NUCB1: variants seen among roughly 807,000 people sequenced by gnomAD.
The protein encoded by NUCB1 is nucleobindin-1.
NUCB1 carries 47 observed loss-of-function variants against 61.2 expected under a neutral mutation model. The ratio of observed to expected loss-of-function variants is 0.77; its 90% CI spans 0.61 to 0.98. NUCB1 has a LOEUF of 0.98. Among genes scored for constraint, NUCB1 ranks in the 50% least tolerant of loss-of-function variants. The pLI is 0.00. For synonymous variants in NUCB1, 234 were observed against 243.1 expected, an observed-to-expected ratio of 0.96 and a Z score of 0.35; for missense variants, 583 against 605.3, an observed-to-expected ratio of 0.96 and a Z score of 0.39.
chr19:48,909,504 C>G (rs2037449451), intron 4 of NUCB1, among the ~76,000 whole-genome samples: 1 of 151,990 alleles, frequency 6.6e-6, no homozygotes, highest in Non-Finnish European at 1.5e-5. Context: ...GCCTTGGCCT[C>G]CCAAAGTGCT....
At chr19:48,902,721 T>C (rs2037365724) in intron 2 of NUCB1, among the ~76,000 whole-genome samples, 1 of 151,560 alleles carries the variant, frequency 6.6e-6, no homozygotes, top group Non-Finnish European at 1.5e-5. Flanking sequence ...TGGAGAGATA[T>C]GTTAAGTCAA....
At chr19:48,905,993 G>A (rs1219241004) in intron 4 of NUCB1, 108 bp downstream of exon 4, 26 of 1,165,270 alleles carry the variant, frequency 2.2e-5, no homozygotes, top group East Asian at 7.7e-5. Context: ...CTCCCTCCCC[G>A]CTGCGAAATG....
At position 48,918,756 on chromosome 19, in the gene NUCB1, A is replaced by G. The variant is rs1408635654; in HGVS notation, c.788A>G (p.Gln263Arg). The change falls in exon 8 of 13, where the codon CAG (glutamine) becomes CGG (arginine). Residue 263 changes from glutamine to arginine, a missense_variant. By Grantham distance (43) the Gln-to-Arg change is conservative. Coordinates refer to ENST00000405315, the MANE Select transcript of NUCB1 (RefSeq NM_006184.6). ...DINSDGVLDEQELEALFTKEL... is the reference protein window; with the variant it reads ...DINSDGVLDERELEALFTKEL... ...AACAGTGATGGTGTCCTGGATGAGC[A>G]GGAGCTGGAGGCACTCTTCACCAAG... 6.2e-7 allele frequency: 1 copy of G among 1,613,996 alleles called. No individual in the cohort carries two copies. The highest frequency in any genetic ancestry group is 8.5e-7 in the Non-Finnish European group (1 of 1,179,988).
In NUCB1 at chr19:48,919,050, A is replaced by G. The variant is rs138861672; in HGVS notation, c.837A>G (p.Pro279=). 2 of 1,613,914 alleles carry G rather than the reference A, an allele frequency of 1.2e-6. No individual in the cohort carries two copies. The highest frequency in any genetic ancestry group is 2.7e-5 in the African/African-American group (2 of 74,916). ...FTKELEKVYD[P]KNEEDDMREM... ...TGCAGCTGGAGAAAGTGTACGACCC[A>G]AAGAATGAGGAGGACGACATGCGGG... The change falls in exon 9 of 13, where the codon CCA becomes CCG. Residue 279 remains proline (P), a synonymous_variant. Coordinates refer to ENST00000405315, the MANE Select transcript of NUCB1 (RefSeq NM_006184.6).
At chr19:48,912,879 A>C in intron 5 of NUCB1, 132 bp from the exon 6 acceptor site, 1 of 479,876 alleles carries the variant, frequency 2.1e-6, no homozygotes, top group South Asian at 3.9e-5. Flanking sequence ...TTAGGACACG[A>C]GACGTAAGAA....
chr19:48,911,391 G>C (rs530130167), intron 5 of NUCB1, 139 bp downstream of exon 5: 15 of 470,246 alleles, frequency 3.2e-5, no homozygotes, highest in Non-Finnish European at 4.9e-5. Context: ...GGGCTGAGTC[G>C]TTTCTTTTCT....
At chr19:48,921,436 G>T (rs1170756530) in intron 11 of NUCB1, 112 bp downstream of exon 11, 10 of 1,234,622 alleles carry the variant, frequency 8.1e-6, no homozygotes, top group Non-Finnish European at 1.2e-5. Flanking sequence ...TAATCACTGG[G>T]GGAGCCTCAA....
rs765482530 is a variant in NUCB1 at position 48,921,172 on chromosome 19, G to C, written c.1021G>C (p.Ala341Pro). Reference protein sequence around the residue: ...EGWETVEMHPAYTEEELRRFE... With the variant: ...EGWETVEMHPPYTEEELRRFE... Reference sequence around the variant, plus strand: ...CCTGCAGACAGTGGAGATGCACCCTGCCTACACCGAGGAAGAGCTGAGGCG... The same window carrying C: ...CCTGCAGACAGTGGAGATGCACCCTCCCTACACCGAGGAAGAGCTGAGGCG... Residue 341 changes from alanine (A) to proline (P), a missense_variant, in exon 11 of 13, where the codon GCC becomes CCC. Physicochemically the swap from Ala to Pro is conservative, Grantham distance 27. Transcript: ENST00000405315. 3.7e-6 allele frequency: 6 copies of C among 1,611,852 alleles called. No individual in the cohort carries two copies. The East Asian group carries it at 1.1e-4, about 30-fold the overall frequency.
At chr19:48,906,036 T>A in intron 4 of NUCB1, 151 bp downstream of exon 4, 1 of 699,724 alleles carries the variant, frequency 1.4e-6, no homozygotes, top group Non-Finnish European at 2.4e-6. Context: ...TGCCCCAGTG[T>A]TCCTCCCAGC....
At chr19:48,904,567 C>T (rs930999493) in intron 3 of NUCB1, 113 bp downstream of exon 3, 24 of 659,628 alleles carry the variant, frequency 3.6e-5, no homozygotes, top group African/African-American at 3.5e-4. Context: ...CTCTGTCACC[C>T]AGGCTGGAGT....
chr19:48,919,370 C>G, intron 10 of NUCB1, 84 bp downstream of exon 10: 3 of 1,018,798 alleles, frequency 2.9e-6, no homozygotes, highest in Non-Finnish European at 4.4e-6. Context: ...GGCCCCTTCT[C>G]TTTCTCTCTG....
At chr19:48,911,281 A>T (rs201250989) in intron 5 of NUCB1, 29 bp downstream of exon 5, 1 of 1,521,802 alleles carries the variant, frequency 6.6e-7, no homozygotes, top group African/African-American at 1.4e-5. Context: ...GAGGCAGAGG[A>T]TTGAGGGTAG....
intron 7 of NUCB1, among the ~76,000 whole-genome samples, chr19:48,915,005 G>A (rs542925995): frequency 6.6e-6 from 1 of 152,148 alleles, no homozygotes; most frequent in Admixed American, 6.6e-5. Flanking sequence ...ACTTGAACCC[G>A]GGAGGCAGAG....
intron 2 of NUCB1, among the ~76,000 whole-genome samples, chr19:48,902,532 G>C (rs1368393167): frequency 6.6e-6 from 1 of 151,068 alleles, no homozygotes; most frequent in Non-Finnish European, 1.5e-5. Context: ...TCAGCCTCTG[G>C]AGTAGCTGGG....
intron 4 of NUCB1, among the ~76,000 whole-genome samples, chr19:48,907,076 G>A (rs563027547): frequency 8.5e-4 from 129 of 151,156 alleles, no homozygotes; most frequent in South Asian, 1.9e-3. Context: ...CTGGATTCAC[G>A]CCATTCTTGT....
intron 2 of NUCB1, chr19:48,901,155 G>A (rs1167464475): frequency 8.1e-6 from 5 of 615,722 alleles, no homozygotes; most frequent in Non-Finnish European, 1.5e-5. Flanking sequence ...CCAACTAAAC[G>A]TCTGTTTTTT....
intron 7 of NUCB1, among the ~76,000 whole-genome samples, chr19:48,917,473 A>G (rs1047699386): frequency 1.4e-5 from 2 of 148,040 alleles, no homozygotes; most frequent in Non-Finnish European, 3.0e-5. Flanking sequence ...ATAGGTGCAC[A>G]CCACCATGCC....
chr19:48,910,899 G>C (rs2037464127), intron 4 of NUCB1: 1 of 365,124 alleles, frequency 2.7e-6, no homozygotes, highest in East Asian at 5.6e-5. Context: ...TACAGTTAAA[G>C]TGCTTAGGGC....
chr19:48,921,478 G>A (rs1395890073), intron 11 of NUCB1, 154 bp downstream of exon 11: 8 of 885,140 alleles, frequency 9.0e-6, no homozygotes, highest in South Asian at 7.2e-5. Context: ...AAGGGCAGAC[G>A]TTTTCCCGTC....
Sources: gnomAD v4.1 joint callset for allele counts (sites outside exome capture counted in the v4.1 genomes callset) on GRCh38, gnomAD v4.1.1 for gene constraint, MANE v1.5 for transcripts, NCBI Gene and HGNC (gene_info 2026-07-23, HGNC 2026-07-21) for gene names.